Variants in NEFM observed in about 807,000 individuals in gnomAD.
NEFM encodes neurofilament medium polypeptide.
A neutral mutation model predicts 48.1 loss-of-function variants in NEFM; 16 were observed. The observed-to-expected ratio is 0.33, with a 90% CI of 0.23 to 0.51. The LOEUF is 0.51. Ranked by LOEUF, NEFM falls within the 20% of genes least tolerant of loss-of-function variation. The probability of loss-of-function intolerance (pLI) is 0.98; values close to 1 mark genes in which losing one functional copy is unlikely to be tolerated. For synonymous variants in NEFM, 465 were observed against 456.9 expected, an observed-to-expected ratio of 1.02 and a Z score of -0.23; for missense variants, 1,107 against 1,136.0, an observed-to-expected ratio of 0.97 and a Z score of 0.37.
intron 2 of NEFM, 108 bp downstream of exon 2, chr8:24,915,837 T>C: frequency 2.1e-6 from 3 of 1,401,160 alleles, no homozygotes; most frequent in Non-Finnish European, 3.0e-6. Flanking sequence ...AGGCATCAAC[T>C]CAGCACCTGG....
Position 24,917,990 on chromosome 8 carries a change from C to T in NEFM, c.2135C>T (p.Ala712Val). 6.2e-7 allele frequency: 1 copy of T among 1,607,604 alleles called. No individual in the cohort carries two copies. Among genetic ancestry groups the T allele is most frequent in the Non-Finnish European group, 8.5e-7 (1 of 1,176,442 alleles). Residue 712 changes from alanine (A) to valine (V), a missense_variant, in exon 3 of 3, where the codon GCT becomes GTT. Transcript: ENST00000221166. The part of the protein sequence containing the change: ...KEEEEKEVKE[A>V]PKEEKVEKKE... The stretch of plus-strand genomic sequence containing the variant: ...GAAGAAGAAAAGGAAGTCAAGGAAG[C>T]TCCCAAGGAAGAGAAGGTAGAGAAA...
Position 24,918,861 on chromosome 8 carries a change from T to A in NEFM, c.*255T>A. On this transcript the variant is annotated 3_prime_UTR_variant, in exon 3 of 3. Transcript: ENST00000221166. The stretch of plus-strand genomic sequence containing the variant: ...TGGAAGGGGGTCACTTAAGGGGGGA[T>A]GTCTTGAGATGTATTATGCAAAGTA... 1 of 508,552 alleles carries A rather than the reference T, an allele frequency of 2.0e-6. No homozygotes were observed. Among genetic ancestry groups the A allele is most frequent in the South Asian group, 2.1e-5 (1 of 46,848 alleles). The allele number at this position is 508,552 out of a possible 1,614,324, so 31.5% of individuals were successfully genotyped here.
intron 2 of NEFM, among the ~76,000 whole-genome samples, chr8:24,916,555 T>A (rs1802576050): frequency 6.6e-6 from 1 of 152,212 alleles, no homozygotes; most frequent in Non-Finnish European, 1.5e-5. Context: ...CTACATTAAA[T>A]AGACACTTTA....
chr8:24,915,638 G>C lies in NEFM; in HGVS notation c.1114G>C (p.Gly372Arg), dbSNP rs749490843. ...CCAGCAGCTGGAAAATGAGCTTCGG[G>C]GCACAAAGTGGGAAATGGCTCGTCA... The part of the protein sequence containing the change: ...TIQQLENELR[G>R]TKWEMARHLR... Residue 372 changes from glycine to arginine, a missense_variant, in exon 2 of 3, where the codon GGC (glycine) becomes CGC (arginine). By Grantham distance (125) the Gly-to-Arg change is moderately radical. Coordinates refer to ENST00000221166, the MANE Select transcript of NEFM (RefSeq NM_005382.2). The C allele has an allele frequency of 3.1e-6, 5 of 1,613,976 alleles. No homozygotes were observed. The highest frequency in any genetic ancestry group is 4.2e-6 in the Non-Finnish European group (5 of 1,179,990).
At position 24,918,581 on chromosome 8, in the gene NEFM, T is replaced by C; in HGVS notation, c.2726T>C (p.Val909Ala). Residue 909 changes from valine (V) to alanine (A), a missense_variant, in exon 3 of 3, where the codon GTA becomes GCA. Val to Ala is a moderately conservative substitution (Grantham distance 64). Transcript: ENST00000221166. Reference protein sequence around the residue: ...KVEKVTSHAIVKEVTQSD With the variant: ...KVEKVTSHAIAKEVTQSD ...GAAAAAGTCACTTCACACGCCATAG[T>C]AAAGGAAGTCACCCAGAGTGACTAA... 1 of 1,611,988 alleles carries C rather than the reference T, an allele frequency of 6.2e-7. No individual in the cohort carries two copies. Among genetic ancestry groups the C allele is most frequent in the South Asian group, 1.1e-5 (1 of 91,002 alleles).
intron 1 of NEFM, chr8:24,915,362 C>A: frequency 8.6e-7 from 1 of 1,158,180 alleles, no homozygotes; most frequent in Non-Finnish European, 1.2e-6. Flanking sequence ...GTCCACTGGT[C>A]TCCGTGCGTG....
chr8:24,915,399 T>G, intron 1 of NEFM: 6 of 1,063,616 alleles, frequency 5.6e-6, no homozygotes, highest in Middle Eastern at 3.2e-4. Flanking sequence ...TCCTATTGTC[T>G]TACTGATCTT....
In NEFM at chr8:24,913,820, C is replaced by T; in HGVS notation, c.27C>T (p.Gly9=). 6.2e-7 allele frequency: 1 copy of T among 1,610,428 alleles called. No homozygotes were observed. The highest frequency in any genetic ancestry group is 8.5e-7 in the Non-Finnish European group (1 of 1,179,040). MSYTLDSL[G]NPSAYRRVTE... ...TGAGCTACACGTTGGACTCGCTGGG[C>T]AACCCGTCCGCCTACCGGCGGGTAA... The change falls in exon 1 of 3, where the codon GGC becomes GGT. Residue 9 remains glycine (G), a synonymous_variant. Coordinates refer to ENST00000221166, the MANE Select transcript of NEFM (RefSeq NM_005382.2).
chr8:24,915,787 G>C, intron 2 of NEFM, 58 bp downstream of exon 2: 1 of 1,612,150 alleles, frequency 6.2e-7, no homozygotes, highest in South Asian at 1.1e-5. Context: ...AGGCTGTTCC[G>C]GCAGAGCTTC....
At position 24,917,246 on chromosome 8, in the gene NEFM, A is replaced by G. The variant is rs1802588061; in HGVS notation, c.1391A>G (p.Asp464Gly). The G allele has an allele frequency of 1.2e-6, 2 of 1,614,052 alleles. No homozygotes were observed. The highest frequency in any genetic ancestry group is 1.7e-6 in the Non-Finnish European group (2 of 1,180,054). Residue 464 changes from aspartate to glycine, a missense_variant, in exon 3 of 3, where the codon GAT becomes GGT. Coordinates refer to ENST00000221166, the MANE Select transcript of NEFM (RefSeq NM_005382.2). ...ATCATAGAGGAAACCAAAGTGGAGGATGAGAAGTCAGAAATGGAAGAGGCC... is the reference window on the plus strand; with the variant it reads ...ATCATAGAGGAAACCAAAGTGGAGGGTGAGAAGTCAGAAATGGAAGAGGCC... The part of the protein sequence containing the change: ...EEIIEETKVE[D>G]EKSEMEEALT...
At chr8:24,914,993 C>T (rs1249551199) in intron 1 of NEFM, 120 bp downstream of exon 1, 5 of 1,415,752 alleles carry the variant, frequency 3.5e-6, no homozygotes, top group African/African-American at 1.5e-5. Flanking sequence ...CGCTAGAGCA[C>T]GCGCGCCGCA....
intron 2 of NEFM, among the ~76,000 whole-genome samples, chr8:24,916,338 C>T (rs1802572508): frequency 6.6e-6 from 1 of 151,980 alleles, no homozygotes; most frequent in South Asian, 2.1e-4. Flanking sequence ...GCATATAAAT[C>T]TAGATATATA....
In NEFM at chr8:24,917,282, T is replaced by C; in HGVS notation, c.1427T>C (p.Ile476Thr). 1.2e-6 allele frequency: 2 copies of C among 1,613,904 alleles called. No individual in the cohort carries two copies. The highest frequency in any genetic ancestry group is 1.7e-6 in the Non-Finnish European group (2 of 1,180,004). Residue 476 changes from isoleucine to threonine, a missense_variant, in exon 3 of 3, where the codon ATT becomes ACT. Physicochemically the swap from Ile to Thr is moderately conservative, Grantham distance 89. Coordinates refer to ENST00000221166, the MANE Select transcript of NEFM (RefSeq NM_005382.2). ...KSEMEEALTA[I>T]TEELAVSMKE... is the part of the protein sequence containing the mutation. ...GAAATGGAAGAGGCCCTGACAGCCA[T>C]TACAGAGGAATTGGCCGTTTCCATG...
Position 24,917,382 on chromosome 8 carries a change from A to G in NEFM, c.1527A>G (p.Lys509=). 6.3e-7 allele frequency: 1 copy of G among 1,582,394 alleles called. No homozygotes were observed. The highest frequency in any genetic ancestry group is 8.6e-7 in the Non-Finnish European group (1 of 1,163,656). The change falls in exon 3 of 3, where the codon AAA becomes AAG. Residue 509 remains lysine, a synonymous_variant. Coordinates refer to ENST00000221166, the MANE Select transcript of NEFM (RefSeq NM_005382.2). Reference sequence around the variant, plus strand: ...CTGAAGAAGAAGAAGTAGCTGCCAAAAAGTCTCCAGTGAAAGCAACTGCAC... The same window carrying G: ...CTGAAGAAGAAGAAGTAGCTGCCAAGAAGTCTCCAGTGAAAGCAACTGCAC... ...PEAEEEEVAA[K]KSPVKATAPE...
In NEFM at chr8:24,918,383, A is replaced by AG; in HGVS notation, c.2534dup (p.Asp846Ter). The AG allele has an allele frequency of 6.8e-6, 11 of 1,614,120 alleles. No individual in the cohort carries two copies. The highest frequency in any genetic ancestry group is 8.5e-6 in the Non-Finnish European group (10 of 1,180,026). On this transcript the variant is annotated frameshift_variant, in exon 3 of 3. Coordinates refer to ENST00000221166, the MANE Select transcript of NEFM (RefSeq NM_005382.2). LOFTEE classifies it high-confidence loss of function. ...GACTTGAGCCCAGCAGATGAAAAGA[A>AG]GGGGGGTGATAAAAGTGAGGAGAAA...
rs1802554959 is a variant in NEFM at position 24,915,248 on chromosome 8, G to C, written c.1081-357G>C. ...TCTACTTTTCCGGCAGTGATCGGAAGAGCTCTCAAAATTGGCTTCAGCCCA... is the reference window on the plus strand; with the variant it reads ...TCTACTTTTCCGGCAGTGATCGGAACAGCTCTCAAAATTGGCTTCAGCCCA... On this transcript the variant is annotated intron_variant, in intron 1 of 2. Transcript: ENST00000221166. The C allele has an allele frequency of 3.1e-6, 4 of 1,272,812 alleles. No homozygotes were observed. The Admixed American group carries it at 1.1e-4, about 36-fold the overall frequency. The allele number at this position is 1,272,812 out of a possible 1,614,324, so 78.8% of individuals were successfully genotyped here.
intron 2 of NEFM, 59 bp downstream of exon 2, chr8:24,915,788 G>T: frequency 6.2e-7 from 1 of 1,612,032 alleles, no homozygotes; most frequent in South Asian, 1.1e-5. Flanking sequence ...GGCTGTTCCG[G>T]CAGAGCTTCC....
At position 24,914,673 on chromosome 8, in the gene NEFM, T is replaced by C; in HGVS notation, c.880T>C (p.Cys294Arg). 3.1e-6 allele frequency: 5 copies of C among 1,614,066 alleles called. No individual in the cohort carries two copies. The highest frequency in any genetic ancestry group is 1.1e-5 in the South Asian group (1 of 91,078). ...GCACCAGGCCGAAGAGTGGTTCAAA[T>C]GCCGCTACGCCAAGCTCACCGAGGC... ...NMHQAEEWFK[C>R]RYAKLTEAAE... The change falls in exon 1 of 3, where the codon TGC becomes CGC. Residue 294 changes from cysteine (C) to arginine (R), a missense_variant. Physicochemically the swap from Cys to Arg is radical, Grantham distance 180 (BLOSUM62 -3). Coordinates refer to ENST00000221166, the MANE Select transcript of NEFM (RefSeq NM_005382.2).
rs199870416 is a variant in NEFM at position 24,918,478 on chromosome 8, A to G, written c.2623A>G (p.Lys875Glu). Residue 875 changes from lysine to glutamate, a missense_variant, in exon 3 of 3, where the codon AAA (lysine) becomes GAA (glutamate). Lys to Glu is a moderately conservative substitution (Grantham distance 56). Coordinates refer to ENST00000221166, the MANE Select transcript of NEFM (RefSeq NM_005382.2). ...AGATGGTGCTACCAAATACATCACTAAATCTGTAACCGTCACTCAAAAGGT... is the reference window on the plus strand; with the variant it reads ...AGATGGTGCTACCAAATACATCACTGAATCTGTAACCGTCACTCAAAAGGT... ...GGDGATKYIT[K>E]SVTVTQKVEE... 3.1e-6 allele frequency: 5 copies of G among 1,614,122 alleles called. No homozygotes were observed. The highest frequency in any genetic ancestry group is 4.2e-6 in the Non-Finnish European group (5 of 1,179,988).
Sources: allele counts gnomAD v4.1 joint callset (sites outside exome capture counted in the v4.1 genomes callset), GRCh38; gene constraint gnomAD v4.1.1; transcripts MANE v1.5; gene names NCBI Gene and HGNC (gene_info 2026-07-23, HGNC 2026-07-21).